The following NSMCE2 variants were observed in gnomAD, a reference collection of about 807,000 sequenced individuals.
NSMCE2 encodes NSE2 SUMO ligase component of SMC5/6 complex.
A neutral mutation model predicts 23.8 loss-of-function variants in NSMCE2; 24 were observed. The observed-to-expected ratio is 1.01, with a 90% confidence interval of 0.73 to 1.42. The LOEUF (loss-of-function observed/expected upper bound fraction) is 1.42. Among genes scored for constraint, NSMCE2 ranks in the 40% most tolerant of loss-of-function variants. NSMCE2 has a pLI of 0.00. For missense variants in NSMCE2, 284 were observed against 296.5 expected (o/e 0.96, Z 0.31); for synonymous variants, 92 against 94.1 (o/e 0.98, Z 0.13).
chr8:125,220,642 TA>T (rs555523149), intron 5 of NSMCE2, among the ~76,000 whole-genome samples: 7,349 of 142,306 alleles, frequency 0.052, 552 homozygotes, highest in African/African-American at 0.17. Flanking sequence ...CATCATTATT[TA>T]AAAAAAAAAA....
chr8:125,267,881 G>A (rs1046450947), intron 5 of NSMCE2, among the ~76,000 whole-genome samples: 1 of 152,090 alleles, frequency 6.6e-6, no homozygotes, highest in Non-Finnish European at 1.5e-5. Context: ...GTTTAATCTG[G>A]TGGAATTAGG....
intron 3 of NSMCE2, among the ~76,000 whole-genome samples, chr8:125,127,972 G>T (rs1352361129): frequency 6.6e-6 from 1 of 152,210 alleles, no homozygotes; most frequent in Non-Finnish European, 1.5e-5. Context: ...GTGGTGTCAT[G>T]TCAGCGCTCA....
Position 125,319,821 on chromosome 8 carries a change from A to C in NSMCE2, c.419-37398A>C, listed in dbSNP as rs72720592. The stretch of plus-strand genomic sequence containing the variant: ...GAAGTCTGGACAGTCTCAAGGAGTC[A>C]CATATATGTTTTAGTGAAGTCTCCA... On this transcript the variant is annotated intron_variant, in intron 5 of 7. Coordinates refer to ENST00000287437, the MANE Select transcript of NSMCE2 (RefSeq NM_173685.4). 2.6e-5 allele frequency among the ~76,000 whole-genome samples: 4 copies of C among 152,072 alleles called. No individual in the cohort carries two copies. The East Asian group carries it at 7.7e-4, about 29-fold the overall frequency.
intron 5 of NSMCE2, among the ~76,000 whole-genome samples, chr8:125,245,568 A>T (rs1825925711): frequency 6.6e-6 from 1 of 152,140 alleles, no homozygotes; most frequent in Admixed American, 6.5e-5. Flanking sequence ...GATAGCATAA[A>T]CATAAGTGAG....
intron 3 of NSMCE2, among the ~76,000 whole-genome samples, chr8:125,114,093 C>T (rs749352742): frequency 1.2e-4 from 18 of 152,038 alleles, no homozygotes; most frequent in Non-Finnish European, 2.5e-4. Flanking sequence ...AAATATTTTG[C>T]CCGGTATGTC....
chr8:125,172,598 T>G (rs1822276408), intron 4 of NSMCE2, among the ~76,000 whole-genome samples: 1 of 152,218 alleles, frequency 6.6e-6, no homozygotes, highest in African/African-American at 2.4e-5. Flanking sequence ...TGAGCTGAGC[T>G]TATTCCTTTT....
chr8:125,144,294 C>T (rs771906412), intron 3 of NSMCE2, among the ~76,000 whole-genome samples: 2 of 152,334 alleles, frequency 1.3e-5, no homozygotes, highest in Admixed American at 6.5e-5. Flanking sequence ...AAGCACATCA[C>T]TTCTGTCCCT....
chr8:125,247,173 CA>C (rs201028205), intron 5 of NSMCE2, among the ~76,000 whole-genome samples: 9 of 145,252 alleles, frequency 6.2e-5, no homozygotes, highest in Non-Finnish European at 7.6e-5. Context: ...CAAAAAATAA[CA>C]AAAAAAAAAT....
At chr8:125,101,618 G>A (rs1182270858) in intron 1 of NSMCE2, among the ~76,000 whole-genome samples, 1 of 152,188 alleles carries the variant, frequency 6.6e-6, no homozygotes, top group Non-Finnish European at 1.5e-5. Context: ...ATTAAGCAGA[G>A]ATGTCCTTTT....
intron 5 of NSMCE2, among the ~76,000 whole-genome samples, chr8:125,221,544 A>C (rs1824861246): frequency 6.6e-6 from 1 of 152,218 alleles, no homozygotes; most frequent in Non-Finnish European, 1.5e-5. Flanking sequence ...GTGCCCAGCC[A>C]GATGTGTCTT....
At chr8:125,344,376 A>G (rs894221182) in intron 5 of NSMCE2, among the ~76,000 whole-genome samples, 2 of 152,206 alleles carry the variant, frequency 1.3e-5, no homozygotes, top group Non-Finnish European at 2.9e-5. Flanking sequence ...TGCAGTAGTT[A>G]TGTCACCCAC....
At chr8:125,296,436 C>T (rs1019862111) in intron 5 of NSMCE2, among the ~76,000 whole-genome samples, 5 of 148,674 alleles carry the variant, frequency 3.4e-5, no homozygotes, top group Non-Finnish European at 7.4e-5. Context: ...GCTCTGTCAC[C>T]CAGGCTGGAG....
At chr8:125,253,211 A>G (rs538024439) in intron 5 of NSMCE2, among the ~76,000 whole-genome samples, 2 of 152,338 alleles carry the variant, frequency 1.3e-5, no homozygotes, top group African/African-American at 2.4e-5. Context: ...TAAGGGAGCT[A>G]CCTGTTCCCT....
At chr8:125,157,853 T>A (rs1821405997) in intron 4 of NSMCE2, among the ~76,000 whole-genome samples, 1 of 152,178 alleles carries the variant, frequency 6.6e-6, no homozygotes, top group Admixed American at 6.5e-5. Context: ...TTCAAGAGTT[T>A]GCCCCATAAT....
intron 5 of NSMCE2, among the ~76,000 whole-genome samples, chr8:125,252,958 G>A (rs542240485): frequency 8.5e-5 from 13 of 152,276 alleles, no homozygotes; most frequent in African/African-American, 3.1e-4. Flanking sequence ...CTTACCTATA[G>A]AACACAGATT....
intron 5 of NSMCE2, among the ~76,000 whole-genome samples, chr8:125,245,874 C>G (rs537382730): frequency 5.9e-5 from 9 of 151,784 alleles, no homozygotes; most frequent in Non-Finnish European, 8.8e-5. Flanking sequence ...AAAAATACAA[C>G]AACTAACTAG....
chr8:125,160,449 C>T (rs142356230), intron 4 of NSMCE2, among the ~76,000 whole-genome samples: 4 of 152,160 alleles, frequency 2.6e-5, no homozygotes, highest in East Asian at 3.9e-4. Flanking sequence ...CCTCTTTCCT[C>T]GGAAGGGGTT....
chr8:125,092,137 C>T (rs1477392310), intron 1 of NSMCE2, among the ~76,000 whole-genome samples, 179 bp downstream of exon 1: 1 of 152,184 alleles, frequency 6.6e-6, no homozygotes, highest in African/African-American at 2.4e-5. Flanking sequence ...GCCATCTCTC[C>T]ATCCTTTCGC....
intron 5 of NSMCE2, among the ~76,000 whole-genome samples, chr8:125,271,062 C>A (rs1409468493): frequency 2.0e-5 from 3 of 151,934 alleles, no homozygotes; most frequent in Non-Finnish European, 2.9e-5. Context: ...GAGTTCAAGA[C>A]CAGCCTGAAC....
Sources: gnomAD v4.1 joint callset for allele counts (sites outside exome capture counted in the v4.1 genomes callset) on GRCh38, gnomAD v4.1.1 for gene constraint, MANE v1.5 for transcripts, NCBI Gene and HGNC (gene_info 2026-07-23, HGNC 2026-07-21) for gene names.